MAST4: variants seen among roughly 807,000 people sequenced by gnomAD.
MAST4 encodes the protein microtubule associated serine/threonine kinase family member 4, also known as microtubule-associated serine/threonine-protein kinase 4.
MAST4 carries 89 observed loss-of-function variants against 162.7 expected under a neutral mutation model. The observed-to-expected ratio is 0.55, with a 90% CI of 0.46 to 0.65. The LOEUF (loss-of-function observed/expected upper bound fraction) is 0.65, where lower values mean the gene tolerates loss of function less well. Ranked by LOEUF, MAST4 falls within the 30% of genes least tolerant of loss-of-function variation. The probability of loss-of-function intolerance (pLI) is 0.00; values close to 1 mark genes in which losing one functional copy is unlikely to be tolerated. For synonymous variants in MAST4, 1,479 were observed against 1,361.1 expected (o/e 1.09, Z -1.91); for missense variants, 3,153 against 3,374.0 (o/e 0.93, Z 1.62).
At chr5:66,708,039 G>A (rs1366399935) in intron 1 of MAST4, among the ~76,000 whole-genome samples, 1 of 152,140 alleles carries the variant, frequency 6.6e-6, no homozygotes, top group African/African-American at 2.4e-5. Flanking sequence ...TGAGGATGTC[G>A]CTGGTAGGTC....
chr5:66,788,033 A>G (rs975605479), intron 2 of MAST4, among the ~76,000 whole-genome samples: 1 of 152,218 alleles, frequency 6.6e-6, no homozygotes, highest in African/African-American at 2.4e-5. Flanking sequence ...ACTTTTAAAA[A>G]CATATATGTA....
chr5:67,075,404 G>T (rs1244382038), intron 5 of MAST4, among the ~76,000 whole-genome samples: 3 of 151,752 alleles, frequency 2.0e-5, no homozygotes, highest in Non-Finnish European at 4.4e-5. Flanking sequence ...TGAACCTCCT[G>T]GGCTCAAGTG....
intron 4 of MAST4, among the ~76,000 whole-genome samples, chr5:67,008,340 T>G (rs932485924): frequency 8.5e-5 from 13 of 152,260 alleles, no homozygotes; most frequent in African/African-American, 2.9e-4. Context: ...GGAAATTAGT[T>G]GGCCTGCATT....
intron 1 of MAST4, among the ~76,000 whole-genome samples, chr5:66,599,304 A>G (rs1463243662): frequency 6.6e-6 from 1 of 152,052 alleles, no homozygotes. Context: ...GAGCAAATGA[A>G]ACCTCTTTTG....
intron 3 of MAST4, among the ~76,000 whole-genome samples, chr5:66,814,260 G>A (rs1756615514): frequency 1.3e-5 from 2 of 152,172 alleles, no homozygotes; most frequent in Non-Finnish European, 2.9e-5. Flanking sequence ...ATAAAGAATT[G>A]CTCACTGTGC....
chr5:66,883,420 C>CTTTTTTTTT (rs1484230630), intron 3 of MAST4, among the ~76,000 whole-genome samples: 2 of 125,514 alleles, frequency 1.6e-5, no homozygotes, highest in African/African-American at 2.9e-5. Context: ...TGTTCTGTCA[C>CTTTTTTTTT]TGTTTTTTTT....
intron 4 of MAST4, among the ~76,000 whole-genome samples, chr5:67,035,147 T>G (rs1755855542): frequency 6.6e-6 from 1 of 152,188 alleles, no homozygotes; most frequent in Non-Finnish European, 1.5e-5. Flanking sequence ...TGCCAAAGTC[T>G]GGCTGTGTCT....
chr5:66,598,076 T>C (rs1742316165), intron 1 of MAST4, among the ~76,000 whole-genome samples: 1 of 152,118 alleles, frequency 6.6e-6, no homozygotes, highest in African/African-American at 2.4e-5. Flanking sequence ...ATTGCCTTTG[T>C]CCCTTAGAGT....
intron 4 of MAST4, among the ~76,000 whole-genome samples, chr5:67,031,904 G>T (rs1755379303): frequency 6.6e-6 from 1 of 152,094 alleles, no homozygotes. Context: ...TACAGGTGGA[G>T]AACTAGATCA....
chr5:67,055,354 G>A (rs1758669472), intron 5 of MAST4, among the ~76,000 whole-genome samples: 1 of 152,178 alleles, frequency 6.6e-6, no homozygotes, highest in Admixed American at 6.5e-5. Context: ...AAGGTTAGAA[G>A]AATGAGCTCT....
At position 67,166,102 on chromosome 5, in the gene MAST4, G is replaced by A. The variant is rs17221521; in HGVS notation, c.6923G>A (p.Gly2308Glu). ...AAGCCTGTGCATTTGCCAAGGCCGG[G>A]ACACCCAGGGCCTAGTGAGCCAGCG... Reference protein sequence around the residue: ...LEKPVHLPRPGHPGPSEPADQ... With the variant: ...LEKPVHLPRPEHPGPSEPADQ... The change falls in exon 29 of 29, where the codon GGA (glycine) becomes GAA (glutamate). Residue 2308 changes from glycine to glutamate, a missense_variant. By Grantham distance (98) the Gly-to-Glu change is moderately conservative. Coordinates refer to ENST00000403625, the MANE Select transcript of MAST4 (RefSeq NM_001164664.2). 0.015 allele frequency: 23,840 copies of A among 1,611,504 alleles called. 224 individuals are homozygous for A. Among genetic ancestry groups the A allele is most frequent in the Non-Finnish European group, 0.019 (21,903 of 1,178,780 alleles).
chr5:66,643,186 G>T lies in MAST4; in HGVS notation c.363+46168G>T, dbSNP rs576794622. On this transcript the variant is annotated intron_variant, in intron 1 of 28. Transcript: ENST00000403625. Reference sequence around the variant, plus strand: ...TGCAGGATAAACTTAGAAAAAATCCGCTTGATATGTTTGTGTTTGCCTCCC... The same window carrying T: ...TGCAGGATAAACTTAGAAAAAATCCTCTTGATATGTTTGTGTTTGCCTCCC... 1.3e-5 allele frequency among the ~76,000 whole-genome samples: 2 copies of T among 152,186 alleles called. 1 individual carries two copies. Among genetic ancestry groups the T allele is most frequent in the African/African-American group, 4.8e-5 (2 of 41,542 alleles).
intron 3 of MAST4, among the ~76,000 whole-genome samples, chr5:66,888,712 C>T (rs1762194138): frequency 6.6e-6 from 1 of 152,102 alleles, no homozygotes; most frequent in Non-Finnish European, 1.5e-5. Flanking sequence ...CCTGGAAAGC[C>T]CTGTCAAGAA....
intron 1 of MAST4, among the ~76,000 whole-genome samples, chr5:66,687,115 C>T (rs1329459550): frequency 6.6e-6 from 1 of 151,980 alleles, no homozygotes; most frequent in Non-Finnish European, 1.5e-5. Context: ...TGGGTATGTG[C>T]AGAGGTTTGC....
intron 14 of MAST4, among the ~76,000 whole-genome samples, chr5:67,121,439 A>G (rs1035233405): frequency 1.6e-5 from 2 of 122,228 alleles, no homozygotes; most frequent in African/African-American, 9.2e-5. Flanking sequence ...TGTATATATT[A>G]AATACTATCA....
intron 4 of MAST4, among the ~76,000 whole-genome samples, chr5:66,918,001 G>T (rs934703570): frequency 2.0e-5 from 3 of 152,006 alleles, no homozygotes; most frequent in Non-Finnish European, 4.4e-5. Flanking sequence ...TTCTCAGTGT[G>T]GAGATCTCTT....
intron 3 of MAST4, among the ~76,000 whole-genome samples, chr5:66,797,747 G>T (rs1755721422): frequency 6.6e-6 from 1 of 152,186 alleles, no homozygotes; most frequent in Admixed American, 6.5e-5. Context: ...TGAACTGAAT[G>T]TTAAACGTTG....
At chr5:66,806,240 G>C (rs541084258) in intron 3 of MAST4, among the ~76,000 whole-genome samples, 22 of 152,294 alleles carry the variant, frequency 1.4e-4, no homozygotes, top group Non-Finnish European at 3.1e-4. Context: ...ACAACCCTTG[G>C]ATTCCTTACC....
intron 5 of MAST4, among the ~76,000 whole-genome samples, chr5:67,083,541 T>C (rs547919403): frequency 6.6e-5 from 10 of 152,250 alleles, no homozygotes; most frequent in African/African-American, 1.9e-4. Context: ...TTCCTGATAA[T>C]ATCCACCCTT....
Sources: gnomAD v4.1 joint callset for allele counts (sites outside exome capture counted in the v4.1 genomes callset) on GRCh38, gnomAD v4.1.1 for gene constraint, MANE v1.5 for transcripts, NCBI Gene and HGNC (gene_info 2026-07-23, HGNC 2026-07-21) for gene names.